MITF: variants seen among roughly 807,000 people sequenced by gnomAD.
MITF encodes melanocyte inducing transcription factor.
MITF carries 17 observed loss-of-function variants against 60.5 expected under a neutral mutation model. The observed-to-expected ratio is 0.28, with a 90% confidence interval of 0.19 to 0.42. MITF has a LOEUF of 0.42. Among genes scored for constraint, MITF ranks in the 10% least tolerant of loss-of-function variants. MITF has a pLI of 1.00. For synonymous variants in MITF, 260 were observed against 248.5 expected, an observed-to-expected ratio of 1.05 and a Z score of -0.43; for missense variants, 622 against 683.5, an observed-to-expected ratio of 0.91 and a Z score of 1.00.
chr3:69,759,243 G>A (rs561761216), intron 1 of MITF, among the ~76,000 whole-genome samples: 35 of 152,214 alleles, frequency 2.3e-4, no homozygotes, highest in Non-Finnish European at 4.3e-4. Flanking sequence ...ATTCATTAAC[G>A]TTGAACTTGT....
At chr3:69,956,665 C>A (rs1032047268) in intron 8 of MITF, 135 bp downstream of exon 8, 5 of 726,584 alleles carry the variant, frequency 6.9e-6, no homozygotes, top group South Asian at 3.1e-5. Flanking sequence ...TTCCTAAATT[C>A]TTCTTACACC....
At chr3:69,788,420 C>G (rs9834743) in intron 1 of MITF, among the ~76,000 whole-genome samples, 79,981 of 151,444 alleles carry the variant, frequency 0.53, 22,401 homozygotes, top group Non-Finnish European at 0.64. Context: ...CCACTATTTT[C>G]TCTCTCAGAG....
chr3:69,851,348 T>C (rs2063820754), intron 1 of MITF, among the ~76,000 whole-genome samples: 1 of 152,206 alleles, frequency 6.6e-6, no homozygotes, highest in Admixed American at 6.5e-5. Context: ...CTTTTTTTGG[T>C]ATATCTTAAA....
chr3:69,806,848 T>C (rs1406959948), intron 1 of MITF, among the ~76,000 whole-genome samples: 1 of 152,192 alleles, frequency 6.6e-6, no homozygotes, highest in Non-Finnish European at 1.5e-5. Flanking sequence ...GCCTATGGAC[T>C]TGTAATGAAA....
intron 1 of MITF, among the ~76,000 whole-genome samples, chr3:69,740,485 G>A (rs1043322220): frequency 2.6e-5 from 4 of 152,110 alleles, no homozygotes; most frequent in African/African-American, 9.7e-5. Context: ...CTTTTTAGAC[G>A]AGGAGTGAAG....
At position 69,965,430 on chromosome 3, in the gene MITF, AT is replaced by A; in HGVS notation, c.*186del. 1.6e-6 allele frequency: 1 copy of A among 610,442 alleles called. No homozygotes were observed. Among genetic ancestry groups the A allele is most frequent in the Non-Finnish European group, 2.8e-6 (1 of 356,208 alleles). 37.8% of individuals were successfully genotyped at this position (610,442 alleles called of 1,614,324 possible). A position where few individuals can be genotyped will look rare whatever the true frequency, so the allele number is the denominator to read the frequency against. On this transcript the variant is annotated 3_prime_UTR_variant, in exon 10 of 10. Coordinates refer to ENST00000352241, the MANE Select transcript of MITF (RefSeq NM_001354604.2). The stretch of plus-strand genomic sequence containing the variant: ...TTTGTGAAACAGACTTGTATATTCT[AT>A]TTTACAACTACAAATGCCTCCAAAG...
chr3:69,812,941 C>T (rs2063123615), intron 1 of MITF, among the ~76,000 whole-genome samples: 1 of 152,084 alleles, frequency 6.6e-6, no homozygotes, highest in Non-Finnish European at 1.5e-5. Flanking sequence ...TTTACTTTTG[C>T]CTCTCACATA....
chr3:69,863,263 A>T (rs564518132), intron 1 of MITF, among the ~76,000 whole-genome samples: 2 of 152,308 alleles, frequency 1.3e-5, no homozygotes, highest in South Asian at 4.1e-4. Flanking sequence ...TGGGAAATGC[A>T]CGTAACATCT....
At chr3:69,936,897 A>G in intron 2 of MITF, 2 of 721,226 alleles carry the variant, frequency 2.8e-6, no homozygotes, top group South Asian at 4.0e-5. Flanking sequence ...ATTTGATGCC[A>G]TAAGAAGTAA....
intron 1 of MITF, among the ~76,000 whole-genome samples, chr3:69,797,916 A>C (rs2062857277): frequency 1.3e-5 from 2 of 152,252 alleles, no homozygotes; most frequent in African/African-American, 4.8e-5. Context: ...CGTACATTTT[A>C]GATGTTTATG....
At chr3:69,877,627 T>G (rs2064385244) in intron 1 of MITF, among the ~76,000 whole-genome samples, 1 of 152,188 alleles carries the variant, frequency 6.6e-6, no homozygotes, top group Admixed American at 6.5e-5. Flanking sequence ...AATTTCCTGT[T>G]GTGAAAATAA....
chr3:69,763,471 T>C (rs1172452986), intron 1 of MITF: 3 of 1,044,402 alleles, frequency 2.9e-6, no homozygotes, highest in Non-Finnish European at 3.5e-6. Context: ...GAATTCCCTG[T>C]CATTTTAAGT....
chr3:69,836,686 A>G (rs2063546471), intron 1 of MITF, among the ~76,000 whole-genome samples: 1 of 152,232 alleles, frequency 6.6e-6, no homozygotes, highest in African/African-American at 2.4e-5. Flanking sequence ...ATAACAGTCA[A>G]ATTTTGAAAC....
At chr3:69,796,667 C>T (rs577407171) in intron 1 of MITF, among the ~76,000 whole-genome samples, 7 of 150,584 alleles carry the variant, frequency 4.6e-5, no homozygotes, top group South Asian at 2.1e-4. Context: ...CCACCGCGCC[C>T]GGCTAATTTT....
intron 1 of MITF, among the ~76,000 whole-genome samples, chr3:69,858,582 A>G (rs1353223583): frequency 6.6e-6 from 1 of 152,220 alleles, no homozygotes; most frequent in Non-Finnish European, 1.5e-5. Context: ...ACACTGAATC[A>G]GAGCAGAAGG....
chr3:69,866,647 C>T (rs949809113), intron 1 of MITF, among the ~76,000 whole-genome samples: 2 of 152,126 alleles, frequency 1.3e-5, no homozygotes, highest in South Asian at 2.1e-4. Context: ...AAAAATACCG[C>T]GACTGCTTGA....
chr3:69,816,550 A>G (rs907489320), intron 1 of MITF, among the ~76,000 whole-genome samples: 13 of 152,158 alleles, frequency 8.5e-5, no homozygotes, highest in Admixed American at 6.5e-4. Flanking sequence ...GCTGAAGTGT[A>G]ATTTACTCTA....
chr3:69,811,611 A>G (rs2106999370), intron 1 of MITF, among the ~76,000 whole-genome samples: 1 of 152,302 alleles, frequency 6.6e-6, no homozygotes, highest in Admixed American at 6.5e-5. Flanking sequence ...CCTTTGCCAC[A>G]GCTAATCAAG....
chr3:69,938,327 C>G (rs1405540760), intron 3 of MITF: 18 of 1,555,876 alleles, frequency 1.2e-5, no homozygotes, highest in Non-Finnish European at 1.6e-5. Context: ...TAGCTGAGTG[C>G]TCTCTTCTCT....
Sources: allele counts gnomAD v4.1 joint callset (sites outside exome capture counted in the v4.1 genomes callset), GRCh38; gene constraint gnomAD v4.1.1; transcripts MANE v1.5; gene names NCBI Gene and HGNC (gene_info 2026-07-23, HGNC 2026-07-21).